The following PDXDC1 variants were observed in gnomAD, a reference collection of about 807,000 sequenced individuals.
PDXDC1 encodes pyridoxal dependent decarboxylase domain containing 1.
PDXDC1 carries 42 observed loss-of-function variants against 100.1 expected under a neutral mutation model. The observed-to-expected ratio is 0.42, with a 90% CI of 0.33 to 0.54. The LOEUF is 0.54. PDXDC1 is among the 20% of genes least tolerant of loss of function. The pLI, the probability that PDXDC1 is intolerant of heterozygous loss-of-function variation, is 0.10. For synonymous variants in PDXDC1, 260 were observed against 371.7 expected (o/e 0.70, Z 3.46); for missense variants, 636 against 979.2 (o/e 0.65, Z 4.68).
intron 1 of PDXDC1, among the ~76,000 whole-genome samples, chr16:14,976,340 G>A (rs1288562142): frequency 6.2e-4 from 95 of 152,250 alleles, no homozygotes; most frequent in Middle Eastern, 3.2e-3. Context: ...TTTCAAGGCA[G>A]CAGCTGCTGT....
downstream of PDXDC1, among the ~76,000 whole-genome samples, chr16:15,144,094 T>C (rs2048516683): frequency 6.6e-6 from 1 of 151,964 alleles, no homozygotes. Context: ...CCCCGTCCTC[T>C]CCTGGAGGAG....
At chr16:15,129,800 C>T (rs1331014085) in intron 16 of PDXDC1, 13 of 726,030 alleles carry the variant, frequency 1.8e-5, no homozygotes, top group African/African-American at 1.2e-4. Flanking sequence ...CTGACGTCTG[C>T]GATGAGACTC....
In PDXDC1 at chr16:15,072,215, A is replaced by T. The variant is rs150946944; in HGVS notation, c.1399+42159A>T. Among the ~76,000 whole-genome samples, 789 of 149,742 alleles carry T rather than the reference A, an allele frequency of 5.3e-3. 6 individuals carry two copies. Among genetic ancestry groups the T allele is most frequent in the African/African-American group, 0.018 (738 of 40,922 alleles). On this transcript the variant is annotated intron_variant, in intron 16 of 16. Transcript: ENST00000535621. ...GGAAGCCACAAAATCGTTGCAGAGA[A>T]GGAAAAGCCTTCTACATTCTTTCCC...
intron 16 of PDXDC1, chr16:15,068,107 C>G: frequency 6.7e-7 from 1 of 1,499,642 alleles, no homozygotes; most frequent in South Asian, 1.2e-5. Context: ...TCTTACAATA[C>G]TAGATAAACA....
chr16:15,139,850 A>C (rs1452757326), downstream of PDXDC1, among the ~76,000 whole-genome samples: 15 of 152,044 alleles, frequency 9.9e-5, no homozygotes, highest in Admixed American at 2.0e-4. Flanking sequence ...GTAATCCCAG[A>C]ACTTTGGGAG....
intron 8 of PDXDC1, among the ~76,000 whole-genome samples, chr16:15,014,658 A>G (rs2041643635): frequency 6.6e-6 from 1 of 152,278 alleles, no homozygotes. Flanking sequence ...CTTACAAAAG[A>G]ACTACTTTCT....
chr16:15,038,725 G>A (rs1438231649), downstream of PDXDC1: 7 of 1,177,874 alleles, frequency 5.9e-6, no homozygotes, highest in African/African-American at 1.5e-5. Flanking sequence ...TTTCAGGAAT[G>A]TCACCCACTT....
At chr16:15,050,934 C>G (rs1406302581) in intron 16 of PDXDC1, among the ~76,000 whole-genome samples, 1 of 152,222 alleles carries the variant, frequency 6.6e-6, no homozygotes, top group African/African-American at 2.4e-5. Context: ...ATGGGCAAGA[C>G]AGCCTTGCTT....
intron 16 of PDXDC1, among the ~76,000 whole-genome samples, chr16:15,111,622 G>C (rs1420958108): frequency 6.8e-6 from 1 of 146,972 alleles, no homozygotes; most frequent in Non-Finnish European, 1.5e-5. Context: ...GCTGAGCATG[G>C]TGGCGCACGC....
At chr16:15,053,480 TAA>T (rs58008251) in intron 16 of PDXDC1, among the ~76,000 whole-genome samples, 37 of 152,326 alleles carry the variant, frequency 2.4e-4, no homozygotes, top group African/African-American at 7.5e-4. Context: ...ATCATTTTTT[TAA>T]AAAAAGTAAA....
chr16:15,034,654 C>G lies in PDXDC1; in HGVS notation c.2002+101C>G, dbSNP rs2043287589. 5 of 868,546 alleles carry G rather than the reference C, an allele frequency of 5.8e-6. 1 individual carries two copies. The highest frequency in any genetic ancestry group is 9.6e-6 in the Non-Finnish European group (5 of 523,162). 53.8% of individuals were successfully genotyped at this position (868,546 alleles called of 1,614,324 possible). ...TCCCACTGAGAATCCCGCCCTGGTTCCCGTTCTTCATCACTGGGTGTGGGC... is the reference window on the plus strand; with the variant it reads ...TCCCACTGAGAATCCCGCCCTGGTTGCCGTTCTTCATCACTGGGTGTGGGC... On this transcript the variant is annotated intron_variant, in intron 21 of 22. Coordinates refer to ENST00000396410, the MANE Select transcript of PDXDC1 (RefSeq NM_015027.4).
chr16:15,147,731 C>T, the PDXDC1 span, among the ~76,000 whole-genome samples: 1 of 152,144 alleles, frequency 6.6e-6, no homozygotes, highest in Non-Finnish European at 1.5e-5. Flanking sequence ...CTCTGTTGAC[C>T]AGGCTAGAGT....
intron 1 of PDXDC1, chr16:14,989,969 G>T: frequency 6.8e-7 from 1 of 1,461,402 alleles, no homozygotes; most frequent in Non-Finnish European, 9.0e-7. Flanking sequence ...CCTCCAGGCA[G>T]GCAGACGGCT....
In PDXDC1 at chr16:15,047,949, T is replaced by A. The variant is rs2044142507; in HGVS notation, c.1399+17893T>A. ...TTTAAAAAAGAAATAAAATAAAATA[T>A]CCAATAGCCTTTTGGGATAACGCCC... On this transcript the variant is annotated intron_variant, in intron 16 of 16. Coordinates refer to the PDXDC1 transcript ENST00000535621. 4 of 1,605,770 alleles carry A rather than the reference T, an allele frequency of 2.5e-6. No homozygotes were observed. In the East Asian group the frequency reaches 8.9e-5, roughly 36 times the overall value.
chr16:15,050,888 A>C (rs1056376402), intron 16 of PDXDC1, among the ~76,000 whole-genome samples: 10 of 152,230 alleles, frequency 6.6e-5, no homozygotes, highest in Non-Finnish European at 4.4e-5. Flanking sequence ...TTTAAGAAAC[A>C]AACTAAAGAT....
rs542172053 is a variant in PDXDC1, at chr16:14,992,342, A to G, written c.22-5411A>G. 2.0e-5 allele frequency among the ~76,000 whole-genome samples: 3 copies of G among 152,418 alleles called. No homozygotes were observed. In the South Asian group the frequency reaches 6.2e-4, roughly 32 times the overall value. On this transcript the variant is annotated intron_variant, in intron 1 of 22. Coordinates refer to ENST00000396410, the MANE Select transcript of PDXDC1 (RefSeq NM_015027.4). The stretch of plus-strand genomic sequence containing the variant: ...GCTAGGAGAGAGATAGATAAAAGTC[A>G]TGAGGATATTTCAGACACTATGGTC...
At chr16:15,058,656 G>C (rs1161780541) in intron 16 of PDXDC1, among the ~76,000 whole-genome samples, 1 of 152,068 alleles carries the variant, frequency 6.6e-6, no homozygotes, top group Non-Finnish European at 1.5e-5. Flanking sequence ...GAGCCCAGGA[G>C]GCGGAGGTTG....
At chr16:15,103,447 C>A (rs1404258644) in intron 16 of PDXDC1, 12 of 632,894 alleles carry the variant, frequency 1.9e-5, no homozygotes, top group South Asian at 1.3e-4. Flanking sequence ...GTGGCAATAA[C>A]CACTGCTTCC....
intron 8 of PDXDC1, among the ~76,000 whole-genome samples, chr16:15,013,209 TGTG>T (rs1261327084): frequency 1.3e-5 from 2 of 152,108 alleles, no homozygotes; most frequent in Non-Finnish European, 2.9e-5. Flanking sequence ...ACTTGCCAGG[TGTG>T]GTGGTGGGCA....
Sources: gnomAD v4.1 joint callset for allele counts (sites outside exome capture counted in the v4.1 genomes callset) on GRCh38, gnomAD v4.1.1 for gene constraint, MANE v1.5 for transcripts, NCBI Gene and HGNC (gene_info 2026-07-23, HGNC 2026-07-21) for gene names.